Variants in ATXN2L observed in about 807,000 individuals in gnomAD.
ATXN2L encodes ataxin 2 like, also known as ataxin-2-like protein.
Under a neutral mutation model 120.7 loss-of-function variants are expected in ATXN2L, and 24 were observed. The observed-to-expected ratio is 0.20, with a 90% CI of 0.14 to 0.28. The LOEUF is 0.28. Ranked by LOEUF, ATXN2L falls within the 10% of genes least tolerant of loss-of-function variation. The pLI is 1.00. For synonymous variants in ATXN2L, 653 were observed against 568.1 expected, an observed-to-expected ratio of 1.15 and a Z score of -2.13; for missense variants, 1,312 against 1,432.3, an observed-to-expected ratio of 0.92 and a Z score of 1.36.
At position 28,825,718 on chromosome 16, in the gene ATXN2L, G is replaced by A. The variant is rs774945616; in HGVS notation, c.393+38G>A. The A allele has an allele frequency of 1.6e-5, 26 of 1,612,902 alleles. No individual in the cohort carries two copies. In the Admixed American group the frequency reaches 1.7e-4, roughly 10 times the overall value. ...TTAACCCCCGGGTTGTTTAAGGAACGTAATGCATCTACTTTCTGGAGACAC... is the reference window on the plus strand; with the variant it reads ...TTAACCCCCGGGTTGTTTAAGGAACATAATGCATCTACTTTCTGGAGACAC... On this transcript the variant is annotated intron_variant, in intron 3 of 21. Transcript: ENST00000336783.
chr16:28,823,585 G>T (rs2050360820), intron 1 of ATXN2L, 27 bp downstream of exon 1: 1 of 1,305,402 alleles, frequency 7.7e-7, no homozygotes, highest in Non-Finnish European at 9.7e-7. Flanking sequence ...CCGGGCGAGG[G>T]AGCCGCGGCC....
chr16:28,837,124 T>C lies in ATXN2L; in HGVS notation c.*859T>C, dbSNP rs1033484149. On this transcript the variant is annotated 3_prime_UTR_variant, in exon 22 of 22. Coordinates refer to ENST00000336783, the MANE Select transcript of ATXN2L (RefSeq NM_007245.4). ...TTCTTTCCCATTAACTTGAGTGACC[T>C]GTGTGAGAGACAGACAGATGCCCCA... The C allele has an allele frequency of 2.2e-6, 1 of 453,282 alleles. No individual in the cohort carries two copies. Among genetic ancestry groups the C allele is most frequent in the Non-Finnish European group, 4.2e-6 (1 of 237,692 alleles). The allele number at this position is 453,282 out of a possible 1,614,324, so 28.1% of individuals were successfully genotyped here. A position where few individuals can be genotyped will look rare whatever the true frequency, so the allele number is the denominator to read the frequency against.
At position 28,823,165 on chromosome 16, in the gene ATXN2L, G is replaced by T; in HGVS notation, c.-95G>T. On this transcript the variant is annotated 5_prime_UTR_variant, in exon 1 of 22. Transcript: ENST00000336783. ...CGCCCACGGCGGGCCCCGGCTGCCCGATCCCCCTCGCTTCCCGCGCTCTCC... is the reference window on the plus strand; with the variant it reads ...CGCCCACGGCGGGCCCCGGCTGCCCTATCCCCCTCGCTTCCCGCGCTCTCC... 1 of 697,882 alleles carries T rather than the reference G, an allele frequency of 1.4e-6. No homozygotes were observed. Among genetic ancestry groups the T allele is most frequent in the East Asian group, 5.1e-5 (1 of 19,544 alleles). 43.2% of individuals were successfully genotyped at this position (697,882 alleles called of 1,614,324 possible). A position where few individuals can be genotyped will look rare whatever the true frequency, so the allele number is the denominator to read the frequency against.
intron 6 of ATXN2L, among the ~76,000 whole-genome samples, chr16:28,827,969 C>T (rs2052813296): frequency 6.6e-6 from 1 of 152,180 alleles, no homozygotes; most frequent in South Asian, 2.1e-4. Flanking sequence ...TTAGTTTGTA[C>T]AAGAATTTGC....
Position 28,823,273 on chromosome 16 carries a change from A to G in ATXN2L, c.14A>G (p.Gln5Arg). The change falls in exon 1 of 22, where the codon CAG becomes CGG. Residue 5 changes from glutamine to arginine, a missense_variant. Coordinates refer to ENST00000336783, the MANE Select transcript of ATXN2L (RefSeq NM_007245.4). MLKP[Q>R]PLQQPSQPQQ... Reference sequence around the variant, plus strand: ...GACGCTGCCATCATGTTGAAGCCTCAGCCGCTACAACAGCCCTCCCAGCCC... The same window carrying G: ...GACGCTGCCATCATGTTGAAGCCTCGGCCGCTACAACAGCCCTCCCAGCCC... 5 of 1,493,304 alleles carry G rather than the reference A, an allele frequency of 3.3e-6. No individual in the cohort carries two copies. The highest frequency in any genetic ancestry group is 2.2e-5 in the Admixed American group (1 of 45,974). 92.5% of individuals were successfully genotyped at this position (1,493,304 alleles called of 1,614,324 possible). A position where few individuals can be genotyped will look rare whatever the true frequency, so the allele number is the denominator to read the frequency against.
Position 28,823,233 on chromosome 16 carries a change from CTAAT to C in ATXN2L, c.-25_-22del, listed in dbSNP as rs1404874532. Reference sequence around the variant, plus strand: ...GGCCCCCTCTCTCCCTCCCTTCTCTCTAATTCCCCTTCCGGACGCTGCCATCATG... The same window carrying C: ...GGCCCCCTCTCTCCCTCCCTTCTCTCTCCCCTTCCGGACGCTGCCATCATG... On this transcript the variant is annotated 5_prime_UTR_variant, in exon 1 of 22. Coordinates refer to ENST00000336783, the MANE Select transcript of ATXN2L (RefSeq NM_007245.4). 1 of 1,412,946 alleles carries C rather than the reference CTAAT, an allele frequency of 7.1e-7. No homozygotes were observed. Among genetic ancestry groups the C allele is most frequent in the Non-Finnish European group, 9.3e-7 (1 of 1,081,030 alleles). The allele number at this position is 1,412,946 out of a possible 1,614,324, so 87.5% of individuals were successfully genotyped here.
At chr16:28,824,633 T>C in intron 1 of ATXN2L, 1 of 1,175,744 alleles carries the variant, frequency 8.5e-7, no homozygotes, top group Non-Finnish European at 1.1e-6. Flanking sequence ...GTCAGGCTGC[T>C]GAAAATGATT....
intron 4 of ATXN2L, 62 bp from the exon 5 acceptor site, chr16:28,826,178 C>T: frequency 6.3e-7 from 1 of 1,586,054 alleles, no homozygotes; most frequent in East Asian, 2.2e-5. Context: ...AAATCCAGTT[C>T]TATTTTTGCC....
intron 10 of ATXN2L, 105 bp from the exon 11 acceptor site, chr16:28,832,100 T>A: frequency 8.0e-7 from 1 of 1,249,172 alleles, no homozygotes. Context: ...AGTTGGTGAC[T>A]CTGGTTGTAT....
intron 1 of ATXN2L, chr16:28,824,282 C>G: frequency 8.6e-7 from 1 of 1,163,278 alleles, no homozygotes; most frequent in East Asian, 6.7e-5. Context: ...CTCAGTTTTT[C>G]CTGTGCGAGT....
Position 28,834,310 on chromosome 16 carries a change from G to A in ATXN2L, c.2173-33G>A, listed in dbSNP as rs374897764. ...GGCCTGTCTGGGCATTCGTGAGCGA[G>A]TCATTCAGCCTCATCTGTGTCCTCA... is the stretch of plus-strand genomic sequence containing the variant. On this transcript the variant is annotated intron_variant, in intron 16 of 21. Coordinates refer to ENST00000336783, the MANE Select transcript of ATXN2L (RefSeq NM_007245.4). The A allele has an allele frequency of 1.6e-5, 26 of 1,612,210 alleles. No individual in the cohort carries two copies. The African/African-American group carries it at 2.4e-4, about 15-fold the overall frequency.
At chr16:28,828,934 G>A (rs2053306821) in intron 6 of ATXN2L, among the ~76,000 whole-genome samples, 1 of 151,964 alleles carries the variant, frequency 6.6e-6, no homozygotes, top group African/African-American at 2.4e-5. Context: ...GTAGAGACGG[G>A]GTTTCACCAT....
chr16:28,823,166 A>T lies in ATXN2L; in HGVS notation c.-94A>T. 3.5e-6 allele frequency: 2 copies of T among 571,856 alleles called. No individual in the cohort carries two copies. The highest frequency in any genetic ancestry group is 4.5e-6 in the Non-Finnish European group (2 of 445,328). The allele number at this position is 571,856 out of a possible 1,614,324, so 35.4% of individuals were successfully genotyped here. A position where few individuals can be genotyped will look rare whatever the true frequency, so the allele number is the denominator to read the frequency against. Reference sequence around the variant, plus strand: ...GCCCACGGCGGGCCCCGGCTGCCCGATCCCCCTCGCTTCCCGCGCTCTCCA... The same window carrying T: ...GCCCACGGCGGGCCCCGGCTGCCCGTTCCCCCTCGCTTCCCGCGCTCTCCA... On this transcript the variant is annotated 5_prime_UTR_variant, in exon 1 of 22. Coordinates refer to ENST00000336783, the MANE Select transcript of ATXN2L (RefSeq NM_007245.4).
intron 1 of ATXN2L, 148 bp downstream of exon 1, chr16:28,823,706 C>T (rs1236108584): frequency 1.2e-6 from 1 of 840,202 alleles, no homozygotes; most frequent in Admixed American, 4.4e-5. Flanking sequence ...CCCTCAGGTC[C>T]GAACAGGTCG....
At chr16:28,829,130 G>A (rs2053414637) in intron 6 of ATXN2L, among the ~76,000 whole-genome samples, 1 of 152,048 alleles carries the variant, frequency 6.6e-6, no homozygotes, top group South Asian at 2.1e-4. Context: ...TGAGTAGCGA[G>A]TAGCTAGGAC....
At chr16:28,826,691 C>A in intron 5 of ATXN2L, 171 bp from the exon 6 acceptor site, 1 of 751,154 alleles carries the variant, frequency 1.3e-6, no homozygotes. Flanking sequence ...ACTTTTTATA[C>A]TCTTCTTCTC....
At chr16:28,834,787 C>T in intron 18 of ATXN2L, 94 bp downstream of exon 18, 2 of 1,427,952 alleles carry the variant, frequency 1.4e-6, no homozygotes, top group East Asian at 2.3e-5. Flanking sequence ...GGGTGGCAGG[C>T]AGTGTTGTAG....
chr16:28,824,442 C>G (rs1596845418), intron 1 of ATXN2L: 1 of 1,286,018 alleles, frequency 7.8e-7, no homozygotes, highest in African/African-American at 1.5e-5. Flanking sequence ...TGCGGCTGCG[C>G]TGTCCCCCAG....
At chr16:28,832,627 C>A in intron 12 of ATXN2L, 60 bp downstream of exon 12, 1 of 1,562,590 alleles carries the variant, frequency 6.4e-7, no homozygotes, top group Non-Finnish European at 8.8e-7. Flanking sequence ...GAGAGTATTT[C>A]AGTTAGGAAG....
Sources: allele counts gnomAD v4.1 joint callset (sites outside exome capture counted in the v4.1 genomes callset), GRCh38; gene constraint gnomAD v4.1.1; transcripts MANE v1.5; gene names NCBI Gene and HGNC (gene_info 2026-07-23, HGNC 2026-07-21).